The following SPOCK3 variants were observed in gnomAD, a reference collection of about 807,000 sequenced individuals.
The protein encoded by SPOCK3 is SPARC (osteonectin), cwcv and kazal like domains proteoglycan 3, also known as testican-3.
In SPOCK3, 30 loss-of-function variants were observed where a neutral mutation model predicts 56.6. That is an observed-to-expected ratio of 0.53 (90% CI 0.40 to 0.72). SPOCK3 has a LOEUF of 0.72. SPOCK3 is among the 30% of genes least tolerant of loss of function. The pLI is 0.00. For missense variants in SPOCK3, 527 were observed against 530.0 expected (o/e 0.99, Z 0.06); for synonymous variants, 196 against 183.3 (o/e 1.07, Z -0.56).
At chr4:167,219,682 C>T (rs561731683) in intron 2 of SPOCK3, among the ~76,000 whole-genome samples, 10 of 152,084 alleles carry the variant, frequency 6.6e-5, no homozygotes, top group Admixed American at 1.3e-4. Flanking sequence ...TTTTAATTTT[C>T]GTTACAGAAT....
chr4:167,165,390 G>C (rs1347678303), intron 2 of SPOCK3, among the ~76,000 whole-genome samples: 1 of 151,972 alleles, frequency 6.6e-6, no homozygotes, highest in African/African-American at 2.4e-5. Context: ...ATCAAAAAGT[G>C]GGCAAAGGAT....
intron 8 of SPOCK3, among the ~76,000 whole-genome samples, chr4:166,752,567 TATATATACACACACACACACAC>T (rs1297651084): frequency 0.014 from 1,534 of 111,358 alleles, 33 homozygotes; most frequent in African/African-American, 0.036. Flanking sequence ...TATATATATA[TATATATACACACACACACACAC>T]ACACACACAC....
At chr4:167,177,164 T>A (rs1425199958) in intron 2 of SPOCK3, among the ~76,000 whole-genome samples, 2 of 152,050 alleles carry the variant, frequency 1.3e-5, no homozygotes, top group Non-Finnish European at 2.9e-5. Flanking sequence ...ACAACTGAGT[T>A]ATTGATCCGT....
chr4:167,017,532 A>G (rs1750742207), intron 3 of SPOCK3, among the ~76,000 whole-genome samples: 1 of 152,118 alleles, frequency 6.6e-6, no homozygotes, highest in African/African-American at 2.4e-5. Flanking sequence ...CAGCAGGGCT[A>G]AGTCTCCCCT....
intron 6 of SPOCK3, among the ~76,000 whole-genome samples, chr4:166,870,920 T>C (rs1471144293): frequency 6.6e-6 from 1 of 152,068 alleles, no homozygotes; most frequent in African/African-American, 2.4e-5. Flanking sequence ...CAAGATCTGA[T>C]GGTTTTATAA....
At chr4:166,842,446 G>A (rs1291061814) in intron 6 of SPOCK3, among the ~76,000 whole-genome samples, 1 of 152,042 alleles carries the variant, frequency 6.6e-6, no homozygotes, top group East Asian at 1.9e-4. Context: ...CCTCTAGCTA[G>A]ACATAAAAGT....
intron 5 of SPOCK3, among the ~76,000 whole-genome samples, chr4:166,905,692 G>T (rs1736532383): frequency 1.3e-5 from 2 of 151,846 alleles, no homozygotes; most frequent in Non-Finnish European, 2.9e-5. Context: ...AAATAAACCT[G>T]CATGTATTCA....
intron 4 of SPOCK3, among the ~76,000 whole-genome samples, chr4:166,983,190 A>G (rs980142251): frequency 1.3e-5 from 2 of 152,170 alleles, no homozygotes; most frequent in African/African-American, 4.8e-5. Context: ...ATGACTACTA[A>G]TTTTAATCTT....
chr4:166,775,761 G>A (rs1739455764), intron 7 of SPOCK3, among the ~76,000 whole-genome samples: 1 of 152,194 alleles, frequency 6.6e-6, no homozygotes, highest in South Asian at 2.1e-4. Context: ...CTGAATGGCT[G>A]TGGCAATGCT....
intron 2 of SPOCK3, among the ~76,000 whole-genome samples, chr4:167,125,263 GACTGCTGTTC>G (rs1386080619): frequency 2.0e-5 from 3 of 148,510 alleles, no homozygotes; most frequent in Non-Finnish European, 4.5e-5. Context: ...TGGGGTAGAG[GACTGCTGTTC>G]ACTCTTGGTA....
intron 6 of SPOCK3, among the ~76,000 whole-genome samples, chr4:166,875,594 A>T (rs971345370): frequency 1.3e-5 from 2 of 152,204 alleles, no homozygotes; most frequent in African/African-American, 2.4e-5. Flanking sequence ...CTCTTTAAGA[A>T]AATATTAAGG....
chr4:166,998,335 A>G lies in SPOCK3; in HGVS notation c.350+2014T>C, dbSNP rs545620583. On this transcript the variant is annotated intron_variant, in intron 4 of 10. Coordinates refer to ENST00000357545, the MANE Select transcript of SPOCK3 (RefSeq NM_001040159.2). ...ACTACACCAAAGGCAAAGCTTCAGTAGTGCCCTATTAAGGATCTTTCAATT... is the reference window on the plus strand; with the variant it reads ...ACTACACCAAAGGCAAAGCTTCAGTGGTGCCCTATTAAGGATCTTTCAATT... 7.2e-5 allele frequency among the ~76,000 whole-genome samples: 11 copies of G among 152,278 alleles called. No homozygotes were observed. The East Asian group carries it at 2.1e-3, about 29-fold the overall frequency.
intron 5 of SPOCK3, among the ~76,000 whole-genome samples, chr4:166,906,465 T>C (rs894674088): frequency 2.8e-5 from 4 of 144,000 alleles, no homozygotes; most frequent in African/African-American, 1.0e-4. Flanking sequence ...CCACCATGCC[T>C]GGCCTGGTTG....
chr4:166,928,035 T>TAAAATTATTAGAATGGCCA lies in SPOCK3; in HGVS notation c.351-15293_351-15292insTGGCCATTCTAATAATTTT, dbSNP rs1351605687. ...AAATTGAAACCATGGGATAGCACTA[T>TAAAATTATTAGAATGGCCA]AAACTTATTAGAATGGCCAAAACTC... On this transcript the variant is annotated intron_variant, in intron 4 of 10. Coordinates refer to ENST00000357545, the MANE Select transcript of SPOCK3 (RefSeq NM_001040159.2). Among the ~76,000 whole-genome samples the TAAAATTATTAGAATGGCCA allele has an allele frequency of 7.9e-5, 12 of 152,288 alleles. No homozygotes were observed. The East Asian group carries it at 1.5e-3, about 20-fold the overall frequency.
At chr4:167,177,496 G>A (rs1731089162) in intron 2 of SPOCK3, among the ~76,000 whole-genome samples, 1 of 152,016 alleles carries the variant, frequency 6.6e-6, no homozygotes, top group African/African-American at 2.4e-5. Flanking sequence ...GAGAATCATG[G>A]GGCACCTCAG....
intron 3 of SPOCK3, among the ~76,000 whole-genome samples, chr4:167,037,791 T>C (rs1171511715): frequency 6.6e-6 from 1 of 152,256 alleles, no homozygotes; most frequent in Non-Finnish European, 1.5e-5. Flanking sequence ...ATACCAAATA[T>C]ATAATTTGAC....
chr4:167,095,656 A>C (rs1358949636), intron 2 of SPOCK3, among the ~76,000 whole-genome samples: 1 of 151,956 alleles, frequency 6.6e-6, no homozygotes, highest in African/African-American at 2.4e-5. Flanking sequence ...AGGATAATAA[A>C]CAAATAGTAT....
chr4:167,154,970 A>C (rs924043087), intron 2 of SPOCK3, among the ~76,000 whole-genome samples: 1 of 152,120 alleles, frequency 6.6e-6, no homozygotes, highest in African/African-American at 2.4e-5. Context: ...CAATTATCCT[A>C]ATGTTTTGCC....
chr4:167,046,794 T>C (rs1469213813), intron 3 of SPOCK3, among the ~76,000 whole-genome samples: 1 of 152,114 alleles, frequency 6.6e-6, no homozygotes, highest in Admixed American at 6.6e-5. Context: ...ACTCAATTTA[T>C]TGTAAGATAA....
Sources: allele counts gnomAD v4.1 joint callset (sites outside exome capture counted in the v4.1 genomes callset), GRCh38; gene constraint gnomAD v4.1.1; transcripts MANE v1.5; gene names NCBI Gene and HGNC (gene_info 2026-07-23, HGNC 2026-07-21).